Variants in MYOF observed in about 807,000 individuals in gnomAD.
The protein encoded by MYOF is myoferlin, also known as fer-1-like 3, myoferlin.
A neutral mutation model predicts 284.2 loss-of-function variants in MYOF; 244 were observed. The observed-to-expected ratio is 0.86, with a 90% CI of 0.77 to 0.95. The LOEUF is 0.95. Among genes scored for constraint, MYOF ranks in the 40% least tolerant of loss-of-function variants. The probability of loss-of-function intolerance (pLI) is 0.00; values close to 1 mark genes in which losing one functional copy is unlikely to be tolerated. For missense variants in MYOF, 2,496 were observed against 2,560.6 expected (o/e 0.97, Z 0.54); for synonymous variants, 904 against 919.7 (o/e 0.98, Z 0.31).
chr10:93,434,237 C>T (rs1379719372), intron 3 of MYOF, among the ~76,000 whole-genome samples: 1 of 151,970 alleles, frequency 6.6e-6, no homozygotes, highest in East Asian at 1.9e-4. Context: ...TCAAGACCAG[C>T]CTGGCCAACA....
chr10:93,323,241 G>A (rs764994052), intron 47 of MYOF, 29 bp downstream of exon 47: 5 of 1,613,472 alleles, frequency 3.1e-6, no homozygotes, highest in South Asian at 1.1e-5. Flanking sequence ...CCCAGTGTAT[G>A]TATCAGGGTC....
At position 93,349,949 on chromosome 10, in the gene MYOF, T is replaced by C. The variant is rs1365036211; in HGVS notation, c.3942A>G (p.Arg1314=). ...AAGCCATCTGGAAGTTTTTCATATT[T>C]CTTAAGCCCCAAGCTAGAATCTATG... is the stretch of plus-strand genomic sequence containing the variant. ...TAIEILAWGL[R]NMKNFQMASI... The change falls in exon 36 of 54, where the codon AGA becomes AGG. Residue 1314 remains arginine (R), a synonymous_variant. Coordinates refer to ENST00000359263, the MANE Select transcript of MYOF (RefSeq NM_013451.4). 6.2e-7 allele frequency: 1 copy of C among 1,613,992 alleles called. No homozygotes were observed. The highest frequency in any genetic ancestry group is 8.5e-7 in the Non-Finnish European group (1 of 1,179,996).
At chr10:93,455,497 A>G (rs2056724118) in intron 2 of MYOF, among the ~76,000 whole-genome samples, 1 of 151,852 alleles carries the variant, frequency 6.6e-6, no homozygotes, top group Non-Finnish European at 1.5e-5. Flanking sequence ...GCAAAAGCCC[A>G]TCTCTACAAA....
rs111588890 is a variant in MYOF, at chr10:93,434,251, T to C, written c.237-2735A>G. On this transcript the variant is annotated intron_variant, in intron 3 of 53. Coordinates refer to ENST00000359263, the MANE Select transcript of MYOF (RefSeq NM_013451.4). ...TTCAAGACCAGCCTGGCCAACATGG[T>C]GAAACCCCGTCTCTACTACAAATAC... Among the ~76,000 whole-genome samples the C allele has an allele frequency of 9.1e-4, 139 of 151,978 alleles. 1 individual carries two copies. Among genetic ancestry groups the C allele is most frequent in the African/African-American group, 3.3e-3 (136 of 41,430 alleles).
chr10:93,462,993 G>A (rs1472753146), intron 1 of MYOF, among the ~76,000 whole-genome samples: 1 of 152,112 alleles, frequency 6.6e-6, no homozygotes, highest in African/African-American at 2.4e-5. Flanking sequence ...TTTCAGCTCA[G>A]AACATAACAA....
intron 24 of MYOF, among the ~76,000 whole-genome samples, chr10:93,371,669 C>A (rs1845595869): frequency 6.6e-6 from 1 of 152,110 alleles, no homozygotes; most frequent in Non-Finnish European, 1.5e-5. Context: ...CAGCTTCGAT[C>A]TCTATTATAG....
Position 93,397,366 on chromosome 10 carries a change from C to A in MYOF, c.1290+22G>T, listed in dbSNP as rs746607917. 6.9e-6 allele frequency: 11 copies of A among 1,602,418 alleles called. No homozygotes were observed. In the African/African-American group the frequency reaches 1.5e-4, roughly 22 times the overall value. On this transcript the variant is annotated intron_variant, in intron 14 of 53. Coordinates refer to ENST00000359263, the MANE Select transcript of MYOF (RefSeq NM_013451.4). ...TATTAAGTAAGTATTCTTACTTTTT[C>A]AGAAAGAAAATAAAGTCAAACCTTG...
intron 1 of MYOF, chr10:93,478,118 C>T: frequency 4.2e-6 from 1 of 237,016 alleles, no homozygotes; most frequent in Non-Finnish European, 8.1e-6. Flanking sequence ...TGTCTACATG[C>T]ATTTTTAATT....
rs1436984642 is a variant in MYOF, at chr10:93,355,845, A to G, written c.3295-109T>C. 1.4e-5 allele frequency: 11 copies of G among 793,994 alleles called. No individual in the cohort carries two copies. In the Admixed American group the frequency reaches 2.3e-4, roughly 16 times the overall value. The allele number at this position is 793,994 out of a possible 1,614,324, so 49.2% of individuals were successfully genotyped here. A position where few individuals can be genotyped will look rare whatever the true frequency, so the allele number is the denominator to read the frequency against. On this transcript the variant is annotated intron_variant, in intron 30 of 53. Transcript: ENST00000359263. ...AACAAATGGAATTCTAGCTTTTTAA[A>G]GATGTTATCGTGCAAACACCCCATT...
At chr10:93,387,741 C>T in intron 19 of MYOF, 56 bp downstream of exon 19, 1 of 1,458,728 alleles carries the variant, frequency 6.9e-7, no homozygotes, top group East Asian at 2.3e-5. Flanking sequence ...GCTACCCCTT[C>T]AGTCCCTGGA....
rs573414153 is a variant in MYOF, at chr10:93,331,925, T to C, written c.4811+1296A>G. 5.3e-5 allele frequency among the ~76,000 whole-genome samples: 8 copies of C among 152,308 alleles called. No individual in the cohort carries two copies. The East Asian group carries it at 1.5e-3, about 29-fold the overall frequency. ...GAACAAAACATCATTTTCACAAATG[T>C]CTCAGACAGAGAACATTTTTCTACA... On this transcript the variant is annotated intron_variant, in intron 43 of 53. Coordinates refer to ENST00000359263, the MANE Select transcript of MYOF (RefSeq NM_013451.4).
At chr10:93,386,551 T>C (rs1028183187) in intron 19 of MYOF, among the ~76,000 whole-genome samples, 8 of 151,792 alleles carry the variant, frequency 5.3e-5, no homozygotes, top group African/African-American at 1.9e-4. Context: ...GGCTGGGGGG[T>C]GGAGAGAGGG....
At chr10:93,372,277 T>C (rs908890998) in intron 24 of MYOF, among the ~76,000 whole-genome samples, 3 of 152,164 alleles carry the variant, frequency 2.0e-5, no homozygotes, top group African/African-American at 7.2e-5. Flanking sequence ...GGCTCACCTT[T>C]GATTCCCCAT....
intron 2 of MYOF, among the ~76,000 whole-genome samples, chr10:93,452,671 T>TTGTGCACATG (rs1352973579): frequency 1.3e-5 from 2 of 151,916 alleles, no homozygotes; most frequent in East Asian, 3.9e-4. Context: ...AACCTGCACT[T>TTGTGCACATG]TGTGCACATG....
chr10:93,481,277 T>C, intron 1 of MYOF, among the ~76,000 whole-genome samples: 1 of 152,176 alleles, frequency 6.6e-6, no homozygotes, highest in Non-Finnish European at 1.5e-5. Context: ...CACGGCTCAC[T>C]GTAGCCTCAA....
chr10:93,475,154 C>T (rs572618796), intron 1 of MYOF, among the ~76,000 whole-genome samples: 15 of 152,208 alleles, frequency 9.9e-5, no homozygotes, highest in Admixed American at 5.9e-4. Context: ...ACCCTCATGC[C>T]CAGTAAGAAG....
intron 27 of MYOF, among the ~76,000 whole-genome samples, chr10:93,363,445 T>G (rs970874136): frequency 3.3e-5 from 5 of 152,234 alleles, no homozygotes; most frequent in African/African-American, 7.2e-5. Flanking sequence ...GCTGGAGGAT[T>G]GCTTGAAGCC....
intron 21 of MYOF, among the ~76,000 whole-genome samples, chr10:93,379,568 CCAGCCCTCCCCT>C (rs1846015187): frequency 6.6e-6 from 1 of 152,134 alleles, no homozygotes. Context: ...CCACTGTTTA[CCAGCCCTCCCCT>C]CAGGCTGGAG....
At chr10:93,398,262 C>T (rs1027396313) in intron 13 of MYOF, among the ~76,000 whole-genome samples, 7 of 152,250 alleles carry the variant, frequency 4.6e-5, no homozygotes, top group Non-Finnish European at 1.0e-4. Flanking sequence ...GCCTCCCTCC[C>T]CAATCTCTGC....
Sources: gnomAD v4.1 joint callset for allele counts (sites outside exome capture counted in the v4.1 genomes callset) on GRCh38, gnomAD v4.1.1 for gene constraint, MANE v1.5 for transcripts, NCBI Gene and HGNC (gene_info 2026-07-23, HGNC 2026-07-21) for gene names.